ITGAV: variants seen among roughly 807,000 people sequenced by gnomAD.
ITGAV encodes the protein integrin subunit alpha V, also known as integrin alpha-V.
ITGAV carries 76 observed loss-of-function variants against 143.8 expected under a neutral mutation model. The ratio of observed to expected loss-of-function variants is 0.53; its 90% CI spans 0.44 to 0.64. The LOEUF (loss-of-function observed/expected upper bound fraction) is 0.64. ITGAV is among the 30% of genes least tolerant of loss of function. ITGAV has a pLI of 0.00. For missense variants in ITGAV, 1,193 were observed against 1,274.7 expected, an observed-to-expected ratio of 0.94 and a Z score of 0.98; for synonymous variants, 453 against 446.7, an observed-to-expected ratio of 1.01 and a Z score of -0.18.
intron 4 of ITGAV, 42 bp downstream of exon 4, chr2:186,625,629 G>A (rs982766594): frequency 7.6e-7 from 1 of 1,312,038 alleles, no homozygotes; most frequent in South Asian, 1.2e-5. Context: ...AAGAGGGGTG[G>A]GAAGCCTAGT....
intron 18 of ITGAV, chr2:186,660,682 G>A (rs1204471789): frequency 6.6e-6 from 1 of 152,120 alleles, no homozygotes; most frequent in Non-Finnish European, 1.5e-5. Context: ...AGGTATAGGT[G>A]AAATTTATTT....
At position 186,625,596 on chromosome 2, in the gene ITGAV, A is replaced by G; in HGVS notation, c.523+9A>G. 2 of 1,582,270 alleles carry G rather than the reference A, an allele frequency of 1.3e-6. No individual in the cohort carries two copies. Among genetic ancestry groups the G allele is most frequent in the South Asian group, 1.1e-5 (1 of 89,856 alleles). On this transcript the variant is annotated intron_variant, in intron 4 of 29. Coordinates refer to ENST00000261023, the MANE Select transcript of ITGAV (RefSeq NM_002210.5). ...TGCTCCATGTAGATCACGTATGTATAGGATATTGTACCAGCTTTTAAGAAG... is the reference window on the plus strand; with the variant it reads ...TGCTCCATGTAGATCACGTATGTATGGGATATTGTACCAGCTTTTAAGAAG...
At chr2:186,664,879 G>T (rs145860889) in intron 20 of ITGAV, among the ~76,000 whole-genome samples, 2 of 152,306 alleles carry the variant, frequency 1.3e-5, no homozygotes, top group Admixed American at 1.3e-4. Context: ...GATAGATAAA[G>T]TGTCTAAGCC....
At chr2:186,596,277 A>G (rs1686746520) in intron 1 of ITGAV, among the ~76,000 whole-genome samples, 1 of 152,206 alleles carries the variant, frequency 6.6e-6, no homozygotes, top group African/African-American at 2.4e-5. Context: ...TTTAATTCCA[A>G]ACTGTTTCCA....
chr2:186,662,334 T>C (rs1688771333), intron 18 of ITGAV, among the ~76,000 whole-genome samples: 1 of 152,202 alleles, frequency 6.6e-6, no homozygotes, highest in Non-Finnish European at 1.5e-5. Flanking sequence ...ATCTAGGTAA[T>C]TGAATTAATT....
rs752096729 is a variant in ITGAV, at chr2:186,636,054, T to C, written c.632-28T>C. The C allele has an allele frequency of 3.1e-6, 5 of 1,592,392 alleles. No homozygotes were observed. In the East Asian group the frequency reaches 9.0e-5, roughly 29 times the overall value. On this transcript the variant is annotated intron_variant, in intron 6 of 29. Coordinates refer to ENST00000261023, the MANE Select transcript of ITGAV (RefSeq NM_002210.5). ...TCATAAAGTTTCCATTTGAAGGTTA[T>C]TTATTTTATATATACACCCTTTTTT...
intron 8 of ITGAV, among the ~76,000 whole-genome samples, chr2:186,637,858 G>A (rs1319304351): frequency 6.6e-6 from 1 of 152,108 alleles, no homozygotes; most frequent in Non-Finnish European, 1.5e-5. Context: ...TTCCTTCAGA[G>A]CTCCGTTTAG....
At position 186,664,486 on chromosome 2, in the gene ITGAV, A is replaced by T; in HGVS notation, c.1926-8A>T. ...TTCTCAGTCTGGATTTGTATTGTTA[A>T]CTTGTAGTGATCAAAAGAAGATCTA... On this transcript the variant is annotated splice_region_variant and splice_polypyrimidine_tract_variant and intron_variant, in intron 19 of 29. Coordinates refer to ENST00000261023, the MANE Select transcript of ITGAV (RefSeq NM_002210.5). The T allele has an allele frequency of 6.2e-7, 1 of 1,613,350 alleles. No homozygotes were observed. Among genetic ancestry groups the T allele is most frequent in the Non-Finnish European group, 8.5e-7 (1 of 1,179,588 alleles).
At position 186,678,506 on chromosome 2, in the gene ITGAV, A is replaced by G; in HGVS notation, c.*1214A>G. The G allele has an allele frequency of 8.4e-6, 2 of 236,960 alleles. No individual in the cohort carries two copies. Among genetic ancestry groups the G allele is most frequent in the South Asian group, 5.1e-5 (1 of 19,504 alleles). The allele number at this position is 236,960 out of a possible 1,614,324, so 14.7% of individuals were successfully genotyped here. A position where few individuals can be genotyped will look rare whatever the true frequency, so the allele number is the denominator to read the frequency against. ...TGTAAAATCAGTCTCGGCTGTCAGA[A>G]TAACTTCTAAAAGGTATTTTTATAA... On this transcript the variant is annotated 3_prime_UTR_variant, in exon 30 of 30. Transcript: ENST00000261023.
chr2:186,668,205 TATATATATA>T lies in ITGAV; in HGVS notation c.2433+430_2433+438del, dbSNP rs1411770489. Among the ~76,000 whole-genome samples the T allele has an allele frequency of 9.7e-3, 212 of 21,798 alleles. 7 individuals carry two copies. The highest frequency in any genetic ancestry group is 0.019 in the East Asian group (10 of 528). 14.3% of individuals were successfully genotyped at this position (21,798 alleles called of 152,430 possible). ...ACATACATATATATATATATATATA[TATATATATA>T]TATTTTTTTTTTTTTTTTTTTTTTT... is the stretch of plus-strand genomic sequence containing the variant. On this transcript the variant is annotated intron_variant, in intron 24 of 29. Transcript: ENST00000261023.
chr2:186,677,038 G>A, intron 29 of ITGAV, 103 bp downstream of exon 29: 3 of 1,308,634 alleles, frequency 2.3e-6, no homozygotes, highest in Non-Finnish European at 3.3e-6. Flanking sequence ...GAAAGGGACT[G>A]TAATGATGAT....
At chr2:186,647,598 A>G (rs1688299197) in intron 13 of ITGAV, among the ~76,000 whole-genome samples, 1 of 152,090 alleles carries the variant, frequency 6.6e-6, no homozygotes, top group Non-Finnish European at 1.5e-5. Flanking sequence ...TACATGAGTT[A>G]ATATAAGCTC....
intron 18 of ITGAV, among the ~76,000 whole-genome samples, chr2:186,662,297 T>C (rs1385797216): frequency 6.6e-6 from 1 of 152,160 alleles, no homozygotes; most frequent in African/African-American, 2.4e-5. Flanking sequence ...TAGTCCTTTT[T>C]TAAAAAGGCT....
intron 13 of ITGAV, among the ~76,000 whole-genome samples, 177 bp downstream of exon 13, chr2:186,647,054 T>C (rs1574488520): frequency 6.6e-6 from 1 of 152,352 alleles, no homozygotes; most frequent in East Asian, 1.9e-4. Flanking sequence ...TGAAGAAAAG[T>C]CAGCTCTCTT....
intron 10 of ITGAV, 38 bp from the exon 11 acceptor site, chr2:186,640,877 A>G: frequency 1.3e-6 from 2 of 1,509,636 alleles, no homozygotes; most frequent in Non-Finnish European, 1.8e-6. Flanking sequence ...AACTAATTGG[A>G]TGAAATATAA....
At chr2:186,654,807 T>C in intron 16 of ITGAV, 99 bp downstream of exon 16, 1 of 564,112 alleles carries the variant, frequency 1.8e-6, no homozygotes, top group Non-Finnish European at 3.2e-6. Flanking sequence ...GAATTGTTAT[T>C]ATAATTTTTT....
At chr2:186,601,470 A>G (rs1163854740) in intron 1 of ITGAV, among the ~76,000 whole-genome samples, 1 of 152,018 alleles carries the variant, frequency 6.6e-6, no homozygotes. Context: ...TTAAAAAAAA[A>G]AAATAGAATA....
chr2:186,622,748 C>CCTCT (rs781081352), intron 3 of ITGAV, among the ~76,000 whole-genome samples: 1 of 151,338 alleles, frequency 6.6e-6, no homozygotes, highest in Admixed American at 6.6e-5. Context: ...TTTAATACTT[C>CCTCT]CTCTCTCTCT....
At chr2:186,639,025 T>G (rs1026248816) in intron 10 of ITGAV, among the ~76,000 whole-genome samples, 1 of 152,030 alleles carries the variant, frequency 6.6e-6, no homozygotes, top group African/African-American at 2.4e-5. Context: ...GATCAATGCC[T>G]TATAATTTTA....
Sources: gnomAD v4.1 joint callset for allele counts (sites outside exome capture counted in the v4.1 genomes callset) on GRCh38, gnomAD v4.1.1 for gene constraint, MANE v1.5 for transcripts, NCBI Gene and HGNC (gene_info 2026-07-23, HGNC 2026-07-21) for gene names.